Variants in SLC9A7 observed in about 807,000 individuals in gnomAD.
The protein encoded by SLC9A7 is sodium/hydrogen exchanger 7.
Under a neutral mutation model 52.6 loss-of-function variants are expected in SLC9A7, and 19 were observed. The observed-to-expected ratio is 0.36, with a 90% CI of 0.25 to 0.53. SLC9A7 has a LOEUF of 0.53. SLC9A7 is among the 20% of genes least tolerant of loss of function. The pLI is 0.91. For synonymous variants in SLC9A7, 226 were observed against 252.1 expected (o/e 0.90, Z 0.98); for missense variants, 455 against 597.9 (o/e 0.76, Z 2.49).
At position 46,606,995 on chromosome X, in the gene SLC9A7, C is replaced by A. The variant is rs761365622; in HGVS notation, c.2138G>T (p.Ser713Ile). 1 of 1,211,396 alleles carries A rather than the reference C, an allele frequency of 8.3e-7. No homozygotes were observed. The highest frequency in any genetic ancestry group is 1.1e-6 in the Non-Finnish European group (1 of 895,460). ...GGGAAACACTAGGCGGGTGCCCCGGCTCGAAACCTTCTGGTCTCCCATTCC... is the reference window on the plus strand; with the variant it reads ...GGGAAACACTAGGCGGGTGCCCCGGATCGAAACCTTCTGGTCTCCCATTCC... ...DLGMGDQKVSSRGTRLVFPLE... is the reference protein window; with the variant it reads ...DLGMGDQKVSIRGTRLVFPLE... The change falls in exon 17 of 17, where the codon AGC becomes ATC. Residue 713 changes from serine (S) to isoleucine (I), a missense_variant. This residue lies in a region of SLC9A7 where 146 missense variants were observed against 160.5 expected (regional missense o/e 0.91). Transcript: ENST00000616978.
chrX:46,731,630 T>TA (rs1344227364), intron 1 of SLC9A7, among the ~76,000 whole-genome samples: 3 of 107,788 alleles, frequency 2.8e-5, no homozygotes, highest in African/African-American at 1.0e-4. Flanking sequence ...AATTTAAAAA[T>TA]AAAAAAATTG....
In SLC9A7 at chrX:46,669,722, G is replaced by A. The variant is rs377458044; in HGVS notation, c.681-3C>T. 7.8e-6 allele frequency: 8 copies of A among 1,023,067 alleles called. No individual in the cohort carries two copies. Among genetic ancestry groups the A allele is most frequent in the Non-Finnish European group, 1.1e-5 (8 of 747,992 alleles). 84.3% of individuals were successfully genotyped at this position (1,023,067 alleles called of 1,213,427 possible). ...TCACCACACCATACATGAGATTTCT[G>A]TAAGAAGGTAAGGTAAACTATGTCA... On this transcript the variant is annotated splice_polypyrimidine_tract_variant and splice_region_variant and intron_variant, in intron 4 of 16. Coordinates refer to ENST00000616978, the MANE Select transcript of SLC9A7 (RefSeq NM_001257291.2).
In SLC9A7 at chrX:46,643,382, C is replaced by T. The variant is rs1183328630; in HGVS notation, c.1470G>A (p.Arg490=). ...TGGCCAACGCAAATGCCATTGCTCCCCTGAGGCCTGCGGGGACCAAAGAAG... is the reference window on the plus strand; with the variant it reads ...TGGCCAACGCAAATGCCATTGCTCCTCTGAGGCCTGCGGGGACCAAAGAAG... ...FQHMMMFSGL[R]GAMAFALAIR... Residue 490 remains arginine, a synonymous_variant, in exon 12 of 17, where the codon AGG becomes AGA. Coordinates refer to ENST00000616978, the MANE Select transcript of SLC9A7 (RefSeq NM_001257291.2). 2.5e-6 allele frequency: 3 copies of T among 1,207,152 alleles called. No homozygotes were observed. The highest frequency in any genetic ancestry group is 4.4e-5 in the Admixed American group (2 of 45,888).
In SLC9A7 at chrX:46,701,706, G is replaced by C. The variant is rs148499365; in HGVS notation, c.326-19171C>G. Among the ~76,000 whole-genome samples, 780 of 112,031 alleles carry C rather than the reference G, an allele frequency of 7.0e-3. 6 individuals are homozygous for C. The highest frequency in any genetic ancestry group is 0.024 in the African/African-American group (748 of 30,879). ...ACCATAATTGGGAAGGAATACATGGGGGGAGTGGTTCAAAGGCACTGGTAA... is the reference window on the plus strand; with the variant it reads ...ACCATAATTGGGAAGGAATACATGGCGGGAGTGGTTCAAAGGCACTGGTAA... On this transcript the variant is annotated intron_variant, in intron 1 of 16. Transcript: ENST00000616978.
intron 1 of SLC9A7, among the ~76,000 whole-genome samples, chrX:46,736,979 C>T (rs1945131622): frequency 9.0e-6 from 1 of 111,639 alleles, no homozygotes; most frequent in African/African-American, 3.3e-5. Flanking sequence ...CATAAGCATT[C>T]CTGATCCTCC....
intron 10 of SLC9A7, 56 bp from the exon 11 acceptor site, chrX:46,648,853 C>T: frequency 1.1e-6 from 1 of 870,770 alleles, no homozygotes; most frequent in East Asian, 3.1e-5. Context: ...GCATTCCACA[C>T]AACCTCCGGC....
chrX:46,752,510 C>T (rs2147030412), intron 1 of SLC9A7, among the ~76,000 whole-genome samples: 1 of 111,346 alleles, frequency 9.0e-6, no homozygotes, highest in African/African-American at 3.3e-5. Flanking sequence ...AACTGTCTTA[C>T]AGATCATCCC....
chrX:46,755,767 A>T (rs1556291804), intron 1 of SLC9A7, among the ~76,000 whole-genome samples: 1 of 105,611 alleles, frequency 9.5e-6, no homozygotes, highest in African/African-American at 3.5e-5. Flanking sequence ...GTTTGCAGTG[A>T]GCCGAGATTG....
intron 14 of SLC9A7, among the ~76,000 whole-genome samples, chrX:46,627,323 C>CA (rs1347311222): frequency 1.9e-3 from 198 of 104,513 alleles, no homozygotes; most frequent in African/African-American, 3.8e-3. Context: ...CAAAACAAAA[C>CA]AAAAAAAAAA....
intron 8 of SLC9A7, 146 bp downstream of exon 8, chrX:46,653,463 G>T (rs1943616508): frequency 2.4e-6 from 1 of 410,198 alleles, no homozygotes; most frequent in Non-Finnish European, 4.3e-6. Flanking sequence ...CAGAACAATA[G>T]CCTTGCTCAG....
chrX:46,628,021 C>A (rs1943161750), intron 14 of SLC9A7, among the ~76,000 whole-genome samples: 1 of 112,761 alleles, frequency 8.9e-6, no homozygotes, highest in Non-Finnish European at 1.9e-5. Flanking sequence ...CACAGACAGA[C>A]ACGCACACAC....
intron 13 of SLC9A7, among the ~76,000 whole-genome samples, chrX:46,633,657 ATTT>A (rs34590426): frequency 2.6e-4 from 22 of 85,777 alleles, no homozygotes; most frequent in Admixed American, 4.0e-4. Context: ...CAGGCACAGG[ATTT>A]TTTTTTTTTT....
intron 7 of SLC9A7, among the ~76,000 whole-genome samples, chrX:46,661,071 A>G (rs1361947324): frequency 9.0e-6 from 1 of 111,600 alleles, no homozygotes; most frequent in African/African-American, 3.3e-5. Context: ...TGTCCTTTGT[A>G]GGGACATGGA....
At chrX:46,655,160 T>C (rs894819305) in intron 7 of SLC9A7, among the ~76,000 whole-genome samples, 1 of 109,164 alleles carries the variant, frequency 9.2e-6, no homozygotes. Flanking sequence ...AATTTTTGTA[T>C]TTTTAGTAGA....
At chrX:46,705,721 A>G (rs1944594459) in intron 1 of SLC9A7, among the ~76,000 whole-genome samples, 1 of 112,328 alleles carries the variant, frequency 8.9e-6, no homozygotes, top group Non-Finnish European at 1.9e-5. Context: ...CTATAGTTCC[A>G]TCTACTCGGG....
At chrX:46,627,516 C>G (rs1446563789) in intron 14 of SLC9A7, among the ~76,000 whole-genome samples, 1 of 111,577 alleles carries the variant, frequency 9.0e-6, no homozygotes, top group Non-Finnish European at 1.9e-5. Context: ...TGTCTCCACT[C>G]TCTTGCTTCT....
intron 5 of SLC9A7, among the ~76,000 whole-genome samples, chrX:46,668,991 C>T (rs1416023661): frequency 9.1e-6 from 1 of 109,670 alleles, no homozygotes; most frequent in Non-Finnish European, 1.9e-5. Context: ...CACGGTGAAA[C>T]CCTGTCTCTA....
At chrX:46,667,251 G>C (rs761956268) in intron 5 of SLC9A7, among the ~76,000 whole-genome samples, 5 of 111,459 alleles carry the variant, frequency 4.5e-5, no homozygotes, top group Non-Finnish European at 9.4e-5. Context: ...TGATTGGTAG[G>C]GCTAGAACTA....
chrX:46,668,225 T>C (rs1943952879), intron 5 of SLC9A7, among the ~76,000 whole-genome samples: 1 of 112,478 alleles, frequency 8.9e-6, no homozygotes, highest in Middle Eastern at 4.6e-3. Context: ...AAACATGTTA[T>C]ACAGCCGGGC....
Sources: allele counts gnomAD v4.1 joint callset (sites outside exome capture counted in the v4.1 genomes callset), GRCh38; gene constraint gnomAD v4.1.1; regional missense constraint gnomAD v4.1.1; transcripts MANE v1.5; gene names NCBI Gene and HGNC (gene_info 2026-07-23, HGNC 2026-07-21).